The following RALGAPB variants were observed in gnomAD, a reference collection of about 807,000 sequenced individuals.
RALGAPB encodes the protein ral GTPase-activating protein subunit beta.
Under a neutral mutation model 161.1 loss-of-function variants are expected in RALGAPB, and 25 were observed. The observed-to-expected ratio is 0.16, with a 90% CI of 0.11 to 0.22. RALGAPB has a LOEUF of 0.22. RALGAPB is among the 10% of genes least tolerant of loss of function. The probability of loss-of-function intolerance (pLI) is 1.00; values close to 1 mark genes in which losing one functional copy is unlikely to be tolerated. For synonymous variants in RALGAPB, 629 were observed against 626.1 expected (o/e 1.00, Z -0.07); for missense variants, 1,391 against 1,815.2 (o/e 0.77, Z 4.25).
chr20:38,569,415 A>G lies in RALGAPB; in HGVS notation c.3955-473A>G, dbSNP rs138792669. 1.6e-3 allele frequency: 249 copies of G among 155,894 alleles called. 3 individuals are homozygous for G. Among genetic ancestry groups the G allele is most frequent in the African/African-American group, 5.4e-3 (223 of 41,568 alleles). The allele number at this position is 155,894 out of a possible 1,614,324, so 9.7% of individuals were successfully genotyped here. ...AAACAACTCGTTTTTCTTTCTACTG[A>G]TGAGAAAAAGGAATTAAGCATAAAT... On this transcript the variant is annotated intron_variant, in intron 26 of 29. Transcript: ENST00000262879.
Position 38,544,745 on chromosome 20 carries a change from G to A in RALGAPB, c.2715-1498G>A, listed in dbSNP as rs117242916. ...GGCCTCCCAAAGTGCTGGGATTACA[G>A]GTGTGAGCCTTCTGCACCCAGCTGA... On this transcript the variant is annotated intron_variant, in intron 18 of 29. Coordinates refer to ENST00000262879, the MANE Select transcript of RALGAPB (RefSeq NM_020336.4). Among the ~76,000 whole-genome samples the A allele has an allele frequency of 2.3e-4, 35 of 152,294 alleles. No individual in the cohort carries two copies. In the East Asian group the frequency reaches 5.8e-3, roughly 25 times the overall value.
chr20:38,568,701 C>T (rs1364801984), intron 26 of RALGAPB: 1 of 152,152 alleles, frequency 6.6e-6, no homozygotes, highest in Non-Finnish European at 1.5e-5. Context: ...GCAGGAAAAA[C>T]GCCAGGGTGT....
At chr20:38,516,077 T>C in intron 6 of RALGAPB, 115 bp from the exon 7 acceptor site, 1 of 753,220 alleles carries the variant, frequency 1.3e-6, no homozygotes, top group Non-Finnish European at 2.0e-6. Flanking sequence ...TACAAATCAG[T>C]CTCTTTTCTG....
At chr20:38,570,046 G>C in intron 27 of RALGAPB, 50 bp downstream of exon 27, 1 of 1,450,216 alleles carries the variant, frequency 6.9e-7, no homozygotes, top group Non-Finnish European at 9.7e-7. Context: ...ATATGACAGT[G>C]ACTTGCTAAA....
Position 38,482,528 on chromosome 20 carries a change from A to G in RALGAPB, c.-30-5875A>G, listed in dbSNP as rs953314215. On this transcript the variant is annotated intron_variant, in intron 1 of 29. Coordinates refer to ENST00000262879, the MANE Select transcript of RALGAPB (RefSeq NM_020336.4). ...CTGAAACCTCACCCTCCCAGGTTCA[A>G]GAGATTCTACTGCCTCAGCCTCCCA... Among the ~76,000 whole-genome samples the G allele has an allele frequency of 1.7e-4, 26 of 149,798 alleles. No homozygotes were observed. The Middle Eastern group carries it at 0.011, about 61-fold the overall frequency.
chr20:38,490,112 C>T (rs1026413516), intron 2 of RALGAPB, among the ~76,000 whole-genome samples: 2 of 151,828 alleles, frequency 1.3e-5, no homozygotes, highest in South Asian at 2.1e-4. Context: ...CGGGTTCAAG[C>T]GATTCTTCTG....
chr20:38,481,171 C>T (rs1487479023), intron 1 of RALGAPB, among the ~76,000 whole-genome samples: 1 of 152,218 alleles, frequency 6.6e-6, no homozygotes, highest in Non-Finnish European at 1.5e-5. Context: ...TGTTTTCCAG[C>T]TCAGCCTATC....
At position 38,575,183 on chromosome 20, in the gene RALGAPB, A is replaced by C; in HGVS notation, c.*216A>C. The C allele has an allele frequency of 2.0e-6, 1 of 508,310 alleles. No individual in the cohort carries two copies. Among genetic ancestry groups the C allele is most frequent in the Non-Finnish European group, 3.5e-6 (1 of 287,774 alleles). 31.5% of individuals were successfully genotyped at this position (508,310 alleles called of 1,614,324 possible). A position where few individuals can be genotyped will look rare whatever the true frequency, so the allele number is the denominator to read the frequency against. On this transcript the variant is annotated 3_prime_UTR_variant, in exon 30 of 30. Transcript: ENST00000262879. ...CAGACACAATCACACTCCTGCTGATAATGATGATATACATTTTAGCCATAA... is the reference window on the plus strand; with the variant it reads ...CAGACACAATCACACTCCTGCTGATCATGATGATATACATTTTAGCCATAA...
intron 13 of RALGAPB, among the ~76,000 whole-genome samples, chr20:38,530,601 CT>C (rs761028236): frequency 1.3e-3 from 185 of 140,856 alleles, no homozygotes; most frequent in Admixed American, 1.5e-3. Flanking sequence ...TTTTCTTTCT[CT>C]TTTTTTTTTT....
At position 38,499,589 on chromosome 20, in the gene RALGAPB, A is replaced by G; in HGVS notation, c.696A>G (p.Ala232=). The G allele has an allele frequency of 6.2e-7, 1 of 1,613,994 alleles. No homozygotes were observed. Among genetic ancestry groups the G allele is most frequent in the Non-Finnish European group, 8.5e-7 (1 of 1,179,956 alleles). The change falls in exon 5 of 30, where the codon GCA becomes GCG. Residue 232 remains alanine (A), a synonymous_variant. Coordinates refer to ENST00000262879, the MANE Select transcript of RALGAPB (RefSeq NM_020336.4). ...EMVANWRHHP[A]VVEQWSKVIC... is the part of the protein sequence containing the mutation. ...TGGCTAACTGGAGGCATCACCCAGC[A>G]GTGGTGGAGCAGTGGAGCAAGGTCA...
chr20:38,485,237 C>G (rs928066206), intron 1 of RALGAPB, among the ~76,000 whole-genome samples: 2 of 152,118 alleles, frequency 1.3e-5, no homozygotes, highest in Admixed American at 1.3e-4. Flanking sequence ...AGGACTGTCT[C>G]ATGCAGTACA....
At chr20:38,543,447 G>A (rs915481589) in intron 18 of RALGAPB, among the ~76,000 whole-genome samples, 3 of 152,036 alleles carry the variant, frequency 2.0e-5, no homozygotes, top group African/African-American at 7.2e-5. Flanking sequence ...CCCTATTTTC[G>A]ATCTCTTAGC....
At chr20:38,540,014 A>G in intron 17 of RALGAPB, 56 bp downstream of exon 17, 1 of 1,484,396 alleles carries the variant, frequency 6.7e-7, no homozygotes, top group Non-Finnish European at 9.2e-7. Context: ...TGCTAGCAAA[A>G]TGCCTTTTGA....
At chr20:38,544,122 C>G (rs1233322543) in intron 18 of RALGAPB, among the ~76,000 whole-genome samples, 1 of 152,132 alleles carries the variant, frequency 6.6e-6, no homozygotes, top group East Asian at 1.9e-4. Flanking sequence ...GACATGTGTA[C>G]CAAGTTATTT....
rs769882430 is a variant in RALGAPB, at chr20:38,567,191, C to A, written c.3913C>A (p.Leu1305Ile). ...GAAACAGCCATCCCTGACACTTGAGCTTTTCCCCAATCATACAGACAATCT... is the reference window on the plus strand; with the variant it reads ...GAAACAGCCATCCCTGACACTTGAGATTTTCCCCAATCATACAGACAATCT... ...ILKQPSLTLE[L>I]FPNHTDNLNS... is the part of the protein sequence containing the mutation. Residue 1305 changes from leucine to isoleucine, a missense_variant, in exon 26 of 30, where the codon CTT (leucine) becomes ATT (isoleucine). Physicochemically the swap from Leu to Ile is conservative, Grantham distance 5. Around this residue, in one of 3 missense-constraint regions of RALGAPB, gnomAD observed 436 missense variants for 527.0 expected, o/e 0.83. Transcript: ENST00000262879. 4 of 1,613,672 alleles carry A rather than the reference C, an allele frequency of 2.5e-6. No individual in the cohort carries two copies. Among genetic ancestry groups the A allele is most frequent in the Non-Finnish European group, 1.7e-6 (2 of 1,179,702 alleles).
chr20:38,485,226 C>A (rs1164789160), intron 1 of RALGAPB, among the ~76,000 whole-genome samples: 1 of 152,108 alleles, frequency 6.6e-6, no homozygotes, highest in Non-Finnish European at 1.5e-5. Context: ...GTTCATTGTG[C>A]AGGACTGTCT....
Position 38,499,474 on chromosome 20 carries a change from A to G in RALGAPB, c.581A>G (p.Lys194Arg), listed in dbSNP as rs757228863. ...QGGIAENLAE[K>R]LIGVLFEVWL... ...GGCATTGCTGAGAATCTAGCAGAGA[A>G]GTTGATTGGTGTTCTCTTTGAGGTG... Residue 194 changes from lysine (K) to arginine (R), a missense_variant, in exon 5 of 30, where the codon AAG becomes AGG. By Grantham distance (26) the Lys-to-Arg change is conservative (BLOSUM62 2). Transcript: ENST00000262879. The G allele has an allele frequency of 1.6e-5, 26 of 1,610,386 alleles. No homozygotes were observed. Among genetic ancestry groups the G allele is most frequent in the Middle Eastern group, 3.3e-4 (2 of 6,074 alleles).
chr20:38,498,677 C>A (rs892433094), intron 4 of RALGAPB, among the ~76,000 whole-genome samples: 5 of 152,224 alleles, frequency 3.3e-5, no homozygotes, highest in Admixed American at 3.3e-4. Context: ...CACATTCTTA[C>A]AACTTTTCCT....
intron 18 of RALGAPB, among the ~76,000 whole-genome samples, chr20:38,544,621 C>T (rs2087096764): frequency 6.6e-6 from 1 of 152,142 alleles, no homozygotes; most frequent in Admixed American, 6.5e-5. Context: ...GCACGTGCCA[C>T]TACACCCTGC....
Sources: gnomAD v4.1 joint callset for allele counts (sites outside exome capture counted in the v4.1 genomes callset) on GRCh38, gnomAD v4.1.1 for gene constraint, gnomAD v4.1.1 regional missense constraint, MANE v1.5 for transcripts, NCBI Gene and HGNC (gene_info 2026-07-23, HGNC 2026-07-21) for gene names.